The following BRINP3 variants were observed in gnomAD, a reference collection of about 807,000 sequenced individuals.
BRINP3 encodes the protein BMP/retinoic acid inducible neural specific 3.
In BRINP3, 19 loss-of-function variants were observed where a neutral mutation model predicts 71.0. That is an observed-to-expected ratio of 0.27 (90% CI 0.19 to 0.39). The LOEUF is 0.39. Among genes scored for constraint, BRINP3 ranks in the 10% least tolerant of loss-of-function variants. BRINP3 has a pLI of 1.00. For missense variants in BRINP3, 959 were observed against 940.8 expected (o/e 1.02, Z -0.25); for synonymous variants, 380 against 337.7 (o/e 1.13, Z -1.37).
At chr1:190,275,219 T>C (rs1662454135) in intron 3 of BRINP3, among the ~76,000 whole-genome samples, 1 of 151,660 alleles carries the variant, frequency 6.6e-6, no homozygotes, top group South Asian at 2.1e-4. Flanking sequence ...ACTTCTAATT[T>C]TGGAGCTATT....
At chr1:190,381,884 T>C (rs1670571563) in intron 2 of BRINP3, among the ~76,000 whole-genome samples, 1 of 152,174 alleles carries the variant, frequency 6.6e-6, no homozygotes. Flanking sequence ...CTTCATATTT[T>C]ATATGGTAAT....
intron 6 of BRINP3, among the ~76,000 whole-genome samples, chr1:190,197,433 G>T (rs1378408173): frequency 6.6e-6 from 1 of 152,114 alleles, no homozygotes; most frequent in African/African-American, 2.4e-5. Flanking sequence ...CTGAAGCAAG[G>T]CAATTCCCTT....
intron 2 of BRINP3, among the ~76,000 whole-genome samples, chr1:190,333,859 TTC>T (rs1667117947): frequency 6.6e-6 from 1 of 151,954 alleles, no homozygotes; most frequent in Non-Finnish European, 1.5e-5. Flanking sequence ...TTGATCCTGA[TTC>T]TGTCTTTTGA....
chr1:190,322,666 A>G (rs575542341), intron 2 of BRINP3, among the ~76,000 whole-genome samples: 1 of 152,226 alleles, frequency 6.6e-6, no homozygotes, highest in Admixed American at 6.6e-5. Context: ...CAACATGTCA[A>G]TCTTCCCAAC....
chr1:190,336,247 T>TGA (rs1370564796), intron 2 of BRINP3, among the ~76,000 whole-genome samples: 1 of 152,048 alleles, frequency 6.6e-6, no homozygotes, highest in Admixed American at 6.6e-5. Context: ...GTTGGTGCCT[T>TGA]GAGATACTTG....
chr1:190,134,607 G>A (rs1184637073), intron 7 of BRINP3, among the ~76,000 whole-genome samples: 2 of 152,054 alleles, frequency 1.3e-5, no homozygotes, highest in Non-Finnish European at 2.9e-5. Flanking sequence ...GCATTTGAAA[G>A]ATTCTAAAGA....
intron 5 of BRINP3, 41 bp downstream of exon 5, chr1:190,234,331 A>G (rs901227787): frequency 6.9e-7 from 1 of 1,458,134 alleles, no homozygotes; most frequent in African/African-American, 1.4e-5. Flanking sequence ...GATAATTGCT[A>G]TTCAGGCTTG....
chr1:190,186,799 G>C (rs1653567027), intron 6 of BRINP3, among the ~76,000 whole-genome samples: 1 of 151,874 alleles, frequency 6.6e-6, no homozygotes, highest in South Asian at 2.1e-4. Flanking sequence ...TGGTAAAGTG[G>C]TATGGTAAAT....
chr1:190,397,381 G>C (rs1473905438), intron 2 of BRINP3, among the ~76,000 whole-genome samples: 4 of 151,798 alleles, frequency 2.6e-5, no homozygotes, highest in African/African-American at 9.7e-5. Flanking sequence ...CTCCTGTTCT[G>C]CATTTCCCAT....
chr1:190,279,850 T>A (rs1299167599), intron 3 of BRINP3, among the ~76,000 whole-genome samples: 1 of 151,898 alleles, frequency 6.6e-6, no homozygotes. Context: ...AACTCAATTA[T>A]CCTCTGTTTA....
chr1:190,431,380 A>G (rs73058759), intron 2 of BRINP3, among the ~76,000 whole-genome samples: 2,817 of 152,036 alleles, frequency 0.019, 90 homozygotes, highest in African/African-American at 0.064. Flanking sequence ...ATATTTTTAG[A>G]CGGCGACTCT....
chr1:190,148,636 TAAA>T (rs1558008908), intron 7 of BRINP3, among the ~76,000 whole-genome samples: 14 of 148,714 alleles, frequency 9.4e-5, no homozygotes, highest in African/African-American at 3.5e-4. Context: ...AATAAATAAA[TAAA>T]TAAATAAATA....
intron 2 of BRINP3, among the ~76,000 whole-genome samples, chr1:190,438,932 G>A (rs1408794152): frequency 6.6e-6 from 1 of 151,882 alleles, no homozygotes; most frequent in Non-Finnish European, 1.5e-5. Context: ...ACCCCAGAAA[G>A]ATATTCCACT....
At chr1:190,166,170 T>C (rs1215997027) in intron 6 of BRINP3, among the ~76,000 whole-genome samples, 1 of 152,170 alleles carries the variant, frequency 6.6e-6, no homozygotes. Context: ...AATACTATAA[T>C]GCTGCATAAA....
intron 2 of BRINP3, among the ~76,000 whole-genome samples, chr1:190,407,952 G>A (rs1291037755): frequency 1.3e-5 from 2 of 149,096 alleles, no homozygotes; most frequent in Non-Finnish European, 3.0e-5. Flanking sequence ...TCATTGGAAT[G>A]TCTTTTATAT....
chr1:190,308,451 A>G (rs985139143), intron 2 of BRINP3, among the ~76,000 whole-genome samples: 1 of 150,450 alleles, frequency 6.6e-6, no homozygotes, highest in Non-Finnish European at 1.5e-5. Context: ...ATGAGAACAC[A>G]TGGACACAGG....
rs887628017 is a variant in BRINP3, at chr1:190,466,812, G to A, written c.-51+10636C>T. Among the ~76,000 whole-genome samples the A allele has an allele frequency of 2.6e-5, 4 of 151,346 alleles. No individual in the cohort carries two copies. The East Asian group carries it at 7.8e-4, about 29-fold the overall frequency. On this transcript the variant is annotated intron_variant, in intron 1 of 7. Transcript: ENST00000367462. ...ATGTAGAAGGTCCTAAATAAATGGA[G>A]TTTATTAATAATAAATTGAATAAAA...
intron 1 of BRINP3, among the ~76,000 whole-genome samples, chr1:190,459,397 T>C (rs1048918077): frequency 1.3e-5 from 2 of 151,834 alleles, no homozygotes; most frequent in Non-Finnish European, 2.9e-5. Context: ...TCTAAAATAC[T>C]GATATATCAT....
rs913644308 is a variant in BRINP3 at position 190,365,806 on chromosome 1, G to GTGTATATATATATATA, written c.237-84057_237-84056insTATATATATATATACA. Among the ~76,000 whole-genome samples the GTGTATATATATATATA allele has an allele frequency of 1.5e-3, 189 of 127,844 alleles. 4 individuals are homozygous for GTGTATATATATATATA. Among genetic ancestry groups the GTGTATATATATATATA allele is most frequent in the East Asian group, 3.3e-3 (14 of 4,286 alleles). 83.9% of individuals were successfully genotyped at this position (127,844 alleles called of 152,430 possible). The stretch of plus-strand genomic sequence containing the variant: ...CGAAGAGTACAATGAGAGAGCAAGT[G>GTGTATATATATATATA]TATATATATATATATATATATATAT... On this transcript the variant is annotated intron_variant, in intron 2 of 7. Coordinates refer to ENST00000367462, the MANE Select transcript of BRINP3 (RefSeq NM_199051.3).
Sources: allele counts gnomAD v4.1 joint callset (sites outside exome capture counted in the v4.1 genomes callset), GRCh38; gene constraint gnomAD v4.1.1; transcripts MANE v1.5; gene names NCBI Gene and HGNC (gene_info 2026-07-23, HGNC 2026-07-21).